The following UGT1A6 variants were observed in gnomAD, a reference collection of about 807,000 sequenced individuals.
UGT1A6 encodes the protein UDP glucuronosyltransferase family 1 member A6.
In UGT1A6, 32 loss-of-function variants were observed where a neutral mutation model predicts 44.4. The observed-to-expected ratio is 0.72, with a 90% CI of 0.54 to 0.97. UGT1A6 has a LOEUF of 0.97. Ranked by LOEUF, UGT1A6 falls within the 50% of genes least tolerant of loss-of-function variation. The pLI, the probability that UGT1A6 is intolerant of heterozygous loss-of-function variation, is 0.00. For missense variants in UGT1A6, 685 were observed against 661.9 expected (o/e 1.03, Z -0.38); for synonymous variants, 238 against 248.5 (o/e 0.96, Z 0.40).
At chr2:233,695,798 A>G (rs1313678419) in intron 1 of UGT1A6, among the ~76,000 whole-genome samples, 1 of 152,172 alleles carries the variant, frequency 6.6e-6, no homozygotes, top group African/African-American at 2.4e-5. Context: ...TATATGTACT[A>G]TCTGTGAGTG....
intron 2 of UGT1A6, 25 bp downstream of exon 2, chr2:233,767,190 T>G: frequency 6.2e-7 from 1 of 1,613,838 alleles, no homozygotes; most frequent in Non-Finnish European, 8.5e-7. Flanking sequence ...TACCATGGCC[T>G]CATATCTATT....
rs182305779 is a variant in UGT1A6, at chr2:233,734,566, T to G, written c.862-32468T>G. ...CTTCCCTTCTGCTAGCTTTTGAATT[T>G]GTTTGCTCTTGCTTATCTAGTTCTT... is the stretch of plus-strand genomic sequence containing the variant. On this transcript the variant is annotated intron_variant, in intron 1 of 4. Transcript: ENST00000305139. Among the ~76,000 whole-genome samples, 19 of 152,196 alleles carry G rather than the reference T, an allele frequency of 1.2e-4. 1 individual carries two copies. Among genetic ancestry groups the G allele is most frequent in the Admixed American group, 1.2e-3 (19 of 15,288 alleles).
intron 1 of UGT1A6, among the ~76,000 whole-genome samples, chr2:233,715,415 T>A (rs2076450298): frequency 6.6e-6 from 1 of 152,186 alleles, no homozygotes; most frequent in Non-Finnish European, 1.5e-5. Context: ...TAAAATACAT[T>A]TTATCTGATA....
chr2:233,767,314 G>A, intron 2 of UGT1A6, 149 bp downstream of exon 2: 1 of 1,489,626 alleles, frequency 6.7e-7, no homozygotes, highest in Non-Finnish European at 8.8e-7. Flanking sequence ...GGTTTTTTTT[G>A]TTGTTGTGGT....
At chr2:233,757,944 T>C (rs1201251132) in intron 1 of UGT1A6, among the ~76,000 whole-genome samples, 1 of 152,112 alleles carries the variant, frequency 6.6e-6, no homozygotes, top group Non-Finnish European at 1.5e-5. Context: ...ACCATCATAT[T>C]GCTGCCCTGC....
intron 1 of UGT1A6, chr2:233,761,020 C>T (rs1412278754): frequency 9.9e-6 from 16 of 1,614,116 alleles, no homozygotes; most frequent in Non-Finnish European, 1.4e-5. Context: ...GGTGACTGTC[C>T]AGGACCTATT....
At chr2:233,721,043 C>A (rs556501874) in intron 1 of UGT1A6, among the ~76,000 whole-genome samples, 1 of 152,048 alleles carries the variant, frequency 6.6e-6, no homozygotes, top group African/African-American at 2.4e-5. Context: ...AGAATTGAGC[C>A]CTTTTTTGTC....
At chr2:233,757,045 G>A (rs1250213092) in intron 1 of UGT1A6, among the ~76,000 whole-genome samples, 2 of 151,734 alleles carry the variant, frequency 1.3e-5, no homozygotes, top group Non-Finnish European at 2.9e-5. Flanking sequence ...ATCAAAGGAA[G>A]TTTGGGGAAC....
intron 1 of UGT1A6, among the ~76,000 whole-genome samples, chr2:233,759,429 C>A (rs1193069176): frequency 1.3e-5 from 2 of 152,114 alleles, no homozygotes; most frequent in Admixed American, 6.5e-5. Context: ...GGCCAGTTGG[C>A]TCTATTTTAA....
In UGT1A6 at chr2:233,695,130, C is replaced by CTTTCTTTTTTT. The variant is rs1364557158; in HGVS notation, c.861+1268_861+1269insCTTTTTTTTTT. Among the ~76,000 whole-genome samples, 82 of 138,816 alleles carry CTTTCTTTTTTT rather than the reference C, an allele frequency of 5.9e-4. 2 individuals carry two copies. Among genetic ancestry groups the CTTTCTTTTTTT allele is most frequent in the South Asian group, 1.4e-3 (6 of 4,416 alleles). The allele number at this position is 138,816 out of a possible 152,430, so 91.1% of individuals were successfully genotyped here. On this transcript the variant is annotated intron_variant, in intron 1 of 4. Transcript: ENST00000305139. ...GCCCATTAACCAACCCTTTTCTTTT[C>CTTTCTTTTTTT]TTTTTTTTTTTTTTGAGACAGAGTC...
At chr2:233,706,574 G>A (rs1295040383) in intron 1 of UGT1A6, among the ~76,000 whole-genome samples, 5 of 152,174 alleles carry the variant, frequency 3.3e-5, no homozygotes, top group African/African-American at 1.2e-4. Flanking sequence ...TAGGGTAAGA[G>A]TGGAGATGGG....
At position 233,769,746 on chromosome 2, in the gene UGT1A6, T is replaced by A; in HGVS notation, c.1301+1307T>A. On this transcript the variant is annotated intron_variant, in intron 4 of 4. Transcript: ENST00000305139. This position sits in a 1 kb window ranked among gnomAD's most constrained non-coding sequence, Gnocchi z 4.4. ...GGCACACGCCTGTAGTCCCAGCCAC[T>A]CTGGAGGCTAAGGCGGGAGGATTGC... 3 of 1,441,832 alleles carry A rather than the reference T, an allele frequency of 2.1e-6. No individual in the cohort carries two copies. Among genetic ancestry groups the A allele is most frequent in the Non-Finnish European group, 2.7e-6 (3 of 1,095,648 alleles). The allele number at this position is 1,441,832 out of a possible 1,614,324, so 89.3% of individuals were successfully genotyped here. A position where few individuals can be genotyped will look rare whatever the true frequency, so the allele number is the denominator to read the frequency against.
chr2:233,766,296 C>G (rs1251598094), intron 1 of UGT1A6, among the ~76,000 whole-genome samples: 2 of 152,064 alleles, frequency 1.3e-5, no homozygotes, highest in Non-Finnish European at 2.9e-5. Context: ...GTGGCCTGGG[C>G]TCTCCTCCGA....
upstream of UGT1A6, chr2:233,692,049 C>A (rs17868327): frequency 0.036 from 5,524 of 152,116 alleles, 132 homozygotes; most frequent in Admixed American, 0.06. Flanking sequence ...AAAACCCTTG[C>A]GATTAGAGGG....
chr2:233,770,723 A>G (rs1412747955), intron 4 of UGT1A6: 1 of 152,146 alleles, frequency 6.6e-6, no homozygotes, highest in African/African-American at 2.4e-5. Context: ...AAGGAAGATG[A>G]TATTTAACAT....
At chr2:233,711,444 A>AG (rs2076181432) in intron 1 of UGT1A6, among the ~76,000 whole-genome samples, 2 of 152,198 alleles carry the variant, frequency 1.3e-5, no homozygotes, top group Admixed American at 1.3e-4. Context: ...TACAGTTTTA[A>AG]GGGGGTTGGA....
At chr2:233,757,089 G>C (rs553473050) in intron 1 of UGT1A6, among the ~76,000 whole-genome samples, 2 of 151,396 alleles carry the variant, frequency 1.3e-5, no homozygotes, top group Admixed American at 1.3e-4. Flanking sequence ...AGGGTAAGAG[G>C]CAGAGGGAGG....
At chr2:233,703,642 A>C (rs548385935) in intron 1 of UGT1A6, among the ~76,000 whole-genome samples, 1 of 152,128 alleles carries the variant, frequency 6.6e-6, no homozygotes, top group African/African-American at 2.4e-5. Context: ...TAGTATAACC[A>C]ATCTGCATTT....
At chr2:233,697,699 A>G (rs183919880) in intron 1 of UGT1A6, among the ~76,000 whole-genome samples, 2 of 152,092 alleles carry the variant, frequency 1.3e-5, no homozygotes, top group Admixed American at 1.3e-4. Flanking sequence ...TTTTGGATGT[A>G]GGCATTTATT....
Sources: allele counts gnomAD v4.1 joint callset (sites outside exome capture counted in the v4.1 genomes callset), GRCh38; gene constraint gnomAD v4.1.1; non-coding constraint Gnocchi (gnomAD v3.1); transcripts MANE v1.5; gene names NCBI Gene and HGNC (gene_info 2026-07-23, HGNC 2026-07-21).